EDA2R: variants seen among roughly 807,000 people sequenced by gnomAD.
EDA2R encodes the protein tumor necrosis factor receptor superfamily member 27.
EDA2R carries 26 observed loss-of-function variants against 20.1 expected under a neutral mutation model. That is an observed-to-expected ratio of 1.30 (90% CI 0.95 to 1.80). The LOEUF is 1.80. EDA2R is among the 40% of genes most tolerant of loss of function. The probability of loss-of-function intolerance (pLI) is 0.00; values close to 1 mark genes in which losing one functional copy is unlikely to be tolerated. For missense variants in EDA2R, 277 were observed against 228.7 expected, an observed-to-expected ratio of 1.21 and a Z score of -1.36; for synonymous variants, 114 against 88.7, an observed-to-expected ratio of 1.29 and a Z score of -1.60.
intron 1 of EDA2R, among the ~76,000 whole-genome samples, chrX:66,630,822 T>TACACAC (rs768792873): frequency 0.066 from 6,147 of 93,586 alleles, 436 homozygotes; most frequent in African/African-American, 0.19. Context: ...TATATATATA[T>TACACAC]ACACACACAC....
chrX:66,637,930 T>C (rs73531484), intron 1 of EDA2R, among the ~76,000 whole-genome samples: 1 of 112,060 alleles, frequency 8.9e-6, no homozygotes, highest in African/African-American at 3.2e-5. Flanking sequence ...GCATGGGATC[T>C]GAACTCAAAT....
intron 2 of EDA2R, among the ~76,000 whole-genome samples, chrX:66,605,675 A>T (rs958738777): frequency 1.8e-5 from 2 of 111,585 alleles, no homozygotes; most frequent in African/African-American, 3.3e-5. Context: ...CAAGCTCTTA[A>T]AGTTTTCCCC....
At position 66,630,475 on chromosome X, in the gene EDA2R, G is replaced by A. The variant is rs776153287; in HGVS notation, c.-11+8520C>T. On this transcript the variant is annotated intron_variant, in intron 1 of 6. Coordinates refer to ENST00000374719, the MANE Select transcript of EDA2R (RefSeq NM_021783.5). ...AGGACTAATATCCAGAATCCACAATGAACTCAAAAAAATCAGGTAGAAAAA... is the reference window on the plus strand; with the variant it reads ...AGGACTAATATCCAGAATCCACAATAAACTCAAAAAAATCAGGTAGAAAAA... Among the ~76,000 whole-genome samples, 5 of 110,815 alleles carry A rather than the reference G, an allele frequency of 4.5e-5. No homozygotes were observed. In the South Asian group the frequency reaches 1.9e-3, roughly 42 times the overall value.
intron 2 of EDA2R, among the ~76,000 whole-genome samples, chrX:66,615,663 A>G: frequency 1.8e-5 from 2 of 111,040 alleles, no homozygotes; most frequent in East Asian, 5.7e-4. Flanking sequence ...AGATTACCCT[A>G]ATGCTGAACA....
At chrX:66,600,092 T>A (rs938717211) in intron 5 of EDA2R, 37 of 1,152,102 alleles carry the variant, frequency 3.2e-5, no homozygotes, top group Non-Finnish European at 4.2e-5. Context: ...AATAATCAAT[T>A]TCTCTAGAGA....
intron 2 of EDA2R, among the ~76,000 whole-genome samples, chrX:66,608,208 A>G (rs1418354570): frequency 9.0e-6 from 1 of 111,530 alleles, no homozygotes; most frequent in African/African-American, 3.3e-5. Context: ...GTGGAACATC[A>G]TGCAGGTGAC....
intron 1 of EDA2R, among the ~76,000 whole-genome samples, chrX:66,625,683 A>ACCACCT (rs1933003134): frequency 8.9e-6 from 1 of 112,083 alleles, no homozygotes; most frequent in Non-Finnish European, 1.9e-5. Context: ...TCTGAAAAGC[A>ACCACCT]CCACCTCCTG....
chrX:66,601,055 T>G (rs946084142), intron 5 of EDA2R, among the ~76,000 whole-genome samples: 51 of 111,861 alleles, frequency 4.6e-4, no homozygotes, highest in Non-Finnish European at 2.4e-4. Context: ...TGTAAGTCAG[T>G]GACTCCTGAA....
At chrX:66,631,159 G>A (rs1490812347) in intron 1 of EDA2R, among the ~76,000 whole-genome samples, 1 of 110,520 alleles carries the variant, frequency 9.0e-6, no homozygotes, top group Non-Finnish European at 1.9e-5. Context: ...GCTAAGCTAT[G>A]AGGATGCAAA....
chrX:66,634,386 T>A (rs1294919229), intron 1 of EDA2R, among the ~76,000 whole-genome samples: 1 of 111,568 alleles, frequency 9.0e-6, no homozygotes, highest in Non-Finnish European at 1.9e-5. Flanking sequence ...AGGTTTAAAA[T>A]TAATCTTAGT....
chrX:66,632,541 G>A (rs997745496), intron 1 of EDA2R, among the ~76,000 whole-genome samples: 1 of 107,416 alleles, frequency 9.3e-6, no homozygotes, highest in East Asian at 2.9e-4. Context: ...AACATTGAGG[G>A]TCACTCATAC....
At chrX:66,629,973 G>T (rs1933558883) in intron 1 of EDA2R, among the ~76,000 whole-genome samples, 1 of 111,404 alleles carries the variant, frequency 9.0e-6, no homozygotes, top group African/African-American at 3.3e-5. Flanking sequence ...AAACAGCATG[G>T]TACTGGTATA....
intron 1 of EDA2R, among the ~76,000 whole-genome samples, chrX:66,637,501 T>C (rs1304912533): frequency 8.9e-6 from 1 of 112,313 alleles, no homozygotes; most frequent in Non-Finnish European, 1.9e-5. Context: ...TAGCATCCAC[T>C]GTCTTTTGCA....
At chrX:66,630,930 T>C (rs1232803252) in intron 1 of EDA2R, among the ~76,000 whole-genome samples, 1 of 110,074 alleles carries the variant, frequency 9.1e-6, no homozygotes, top group Non-Finnish European at 1.9e-5. Context: ...TGTGTGTATA[T>C]ACGTACATAT....
At chrX:66,635,781 C>T (rs1248145531) in intron 1 of EDA2R, among the ~76,000 whole-genome samples, 18 of 112,333 alleles carry the variant, frequency 1.6e-4, no homozygotes, top group African/African-American at 9.7e-5. Flanking sequence ...TTTCTCTAGG[C>T]CTGTTTGGCC....
intron 1 of EDA2R, among the ~76,000 whole-genome samples, chrX:66,621,990 C>CA (rs1007663760): frequency 9.0e-6 from 1 of 111,497 alleles, no homozygotes; most frequent in Non-Finnish European, 1.9e-5. Flanking sequence ...GTTAGCCCCC[C>CA]AAAAAATGTT....
chrX:66,630,304 C>T (rs1348850786), intron 1 of EDA2R, among the ~76,000 whole-genome samples: 2 of 111,461 alleles, frequency 1.8e-5, no homozygotes, highest in Non-Finnish European at 1.9e-5. Context: ...GACCAAGAAC[C>T]CAAAAGCAAA....
intron 2 of EDA2R, among the ~76,000 whole-genome samples, chrX:66,609,360 T>A (rs1458486961): frequency 9.2e-6 from 1 of 109,238 alleles, no homozygotes; most frequent in Non-Finnish European, 1.9e-5. Flanking sequence ...TTCTGCCCCA[T>A]GTTTGCCCAC....
chrX:66,616,252 C>T (rs148105969), intron 1 of EDA2R, among the ~76,000 whole-genome samples: 187 of 112,521 alleles, frequency 1.7e-3, no homozygotes, highest in Non-Finnish European at 2.6e-3. Flanking sequence ...ATTCTCAAGA[C>T]AATCATATTA....
Sources: gnomAD v4.1 joint callset for allele counts (sites outside exome capture counted in the v4.1 genomes callset) on GRCh38, gnomAD v4.1.1 for gene constraint, MANE v1.5 for transcripts, NCBI Gene and HGNC (gene_info 2026-07-23, HGNC 2026-07-21) for gene names.